ARMC8: variants seen among roughly 807,000 people sequenced by gnomAD.
The protein encoded by ARMC8 is armadillo repeat containing 8.
ARMC8 carries 20 observed loss-of-function variants against 99.3 expected under a neutral mutation model. The ratio of observed to expected loss-of-function variants is 0.20; its 90% CI spans 0.14 to 0.29. The LOEUF (loss-of-function observed/expected upper bound fraction) is 0.29, where lower values mean the gene tolerates loss of function less well. Among genes scored for constraint, ARMC8 ranks in the 10% least tolerant of loss-of-function variants. ARMC8 has a pLI of 1.00. For missense variants in ARMC8, 569 were observed against 809.5 expected, an observed-to-expected ratio of 0.70 and a Z score of 3.60; for synonymous variants, 263 against 278.3, an observed-to-expected ratio of 0.95 and a Z score of 0.55.
chr3:138,239,744 T>G (rs1269194032), intron 10 of ARMC8, among the ~76,000 whole-genome samples: 2 of 152,222 alleles, frequency 1.3e-5, no homozygotes, highest in African/African-American at 2.4e-5. Flanking sequence ...GAAATAATTA[T>G]TTCATTGTCA....
At chr3:138,227,672 A>G (rs1576678530) in intron 5 of ARMC8, among the ~76,000 whole-genome samples, 1 of 152,144 alleles carries the variant, frequency 6.6e-6, no homozygotes, top group East Asian at 1.9e-4. Context: ...TCCTCCCAAC[A>G]AGGGTGTTCT....
rs754897042 is a variant in ARMC8, at chr3:138,235,028, T to C, written c.529-6T>C. 4.3e-6 allele frequency: 7 copies of C among 1,611,372 alleles called. No homozygotes were observed. The African/African-American group carries it at 8.0e-5, about 18-fold the overall frequency. On this transcript the variant is annotated splice_region_variant and splice_polypyrimidine_tract_variant and intron_variant, in intron 6 of 21. Coordinates refer to ENST00000469044, the MANE Select transcript of ARMC8 (RefSeq NM_001363941.2). ...AAATATATTGTTGTATTCTTTTTTCTTACAGGGGCCAGATCATCAAACAAT... is the reference window on the plus strand; with the variant it reads ...AAATATATTGTTGTATTCTTTTTTCCTACAGGGGCCAGATCATCAAACAAT...
intron 12 of ARMC8, chr3:138,246,899 G>A (rs1340752346): frequency 1.2e-6 from 1 of 856,182 alleles, no homozygotes; most frequent in Non-Finnish European, 1.4e-6. Flanking sequence ...AGTTTTTTGT[G>A]TGGTAAAGCA....
rs773357441 is a variant in ARMC8 at position 138,272,921 on chromosome 3, A to T, written c.1480-46A>T. The T allele has an allele frequency of 4.2e-5, 57 of 1,360,898 alleles. No homozygotes were observed. The African/African-American group carries it at 8.0e-4, about 19-fold the overall frequency. The allele number at this position is 1,360,898 out of a possible 1,614,324, so 84.3% of individuals were successfully genotyped here. Reference sequence around the variant, plus strand: ...AGTTACTATTAAAATATAATTTAATAAAGTAAATGTAGACATGATTCTTGC... The same window carrying T: ...AGTTACTATTAAAATATAATTTAATTAAGTAAATGTAGACATGATTCTTGC... On this transcript the variant is annotated intron_variant, in intron 16 of 21. Coordinates refer to ENST00000469044, the MANE Select transcript of ARMC8 (RefSeq NM_001363941.2).
intron 7 of ARMC8, among the ~76,000 whole-genome samples, chr3:138,237,033 G>A (rs925318150): frequency 3.3e-5 from 5 of 151,982 alleles, no homozygotes; most frequent in African/African-American, 4.8e-5. Flanking sequence ...ACTGTATTTT[G>A]TATAGTGTTC....
At chr3:138,274,421 T>G (rs1474320729) in intron 17 of ARMC8, 28 bp from the exon 18 acceptor site, 7 of 1,441,792 alleles carry the variant, frequency 4.9e-6, no homozygotes, top group Non-Finnish European at 6.8e-6. Flanking sequence ...GTTTCTTTGA[T>G]AATTATGGAT....
chr3:138,284,337 G>A (rs956475767), intron 18 of ARMC8, 94 bp from the exon 19 acceptor site: 3 of 861,444 alleles, frequency 3.5e-6, no homozygotes, highest in Admixed American at 1.9e-5. Flanking sequence ...GAGAATCCAT[G>A]TACCTTCAAG....
intron 16 of ARMC8, 53 bp downstream of exon 16, chr3:138,270,185 T>G: frequency 7.6e-7 from 1 of 1,316,332 alleles, no homozygotes; most frequent in Non-Finnish European, 1.1e-6. Flanking sequence ...ACAGCTATTG[T>G]CTAAGTTAGA....
chr3:138,190,044 C>G (rs1207091210), intron 1 of ARMC8, among the ~76,000 whole-genome samples: 4 of 151,918 alleles, frequency 2.6e-5, no homozygotes, highest in African/African-American at 7.2e-5. Flanking sequence ...TTTCTCTTCC[C>G]ATGACCACCC....
chr3:138,269,120 C>T (rs115989936), intron 15 of ARMC8, among the ~76,000 whole-genome samples: 1,726 of 152,152 alleles, frequency 0.011, 32 homozygotes, highest in African/African-American at 0.038. Context: ...TAAAAACTGG[C>T]GGATCTGGGA....
At chr3:138,270,619 A>C (rs894355349) in intron 16 of ARMC8, among the ~76,000 whole-genome samples, 15 of 152,200 alleles carry the variant, frequency 9.9e-5, no homozygotes, top group Non-Finnish European at 1.9e-4. Flanking sequence ...GTTTTGAAAG[A>C]TAAATAGATT....
At chr3:138,262,626 G>A in intron 12 of ARMC8, 1 of 1,539,974 alleles carries the variant, frequency 6.5e-7, no homozygotes, top group Non-Finnish European at 8.7e-7. Flanking sequence ...TAGGTGCCTA[G>A]CCCTGACCCT....
intron 13 of ARMC8, 99 bp downstream of exon 13, chr3:138,263,920 C>A: frequency 1.7e-6 from 2 of 1,171,706 alleles, no homozygotes; most frequent in East Asian, 2.3e-5. Context: ...ACAAATGTTC[C>A]TCAAAAATCT....
At chr3:138,225,818 C>G (rs1421446519) in intron 5 of ARMC8, among the ~76,000 whole-genome samples, 1 of 152,074 alleles carries the variant, frequency 6.6e-6, no homozygotes, top group Non-Finnish European at 1.5e-5. Context: ...TGTAAGTAAT[C>G]GAGGAATAGG....
At chr3:138,265,668 G>C (rs1431909624) in intron 14 of ARMC8, among the ~76,000 whole-genome samples, 1 of 152,186 alleles carries the variant, frequency 6.6e-6, no homozygotes, top group Non-Finnish European at 1.5e-5. Context: ...AGCATGAGGA[G>C]AAACATTATG....
At chr3:138,252,947 C>T (rs930780305) in intron 12 of ARMC8, among the ~76,000 whole-genome samples, 4 of 151,944 alleles carry the variant, frequency 2.6e-5, no homozygotes, top group Non-Finnish European at 1.5e-5. Flanking sequence ...TGGATACTTT[C>T]CTACATACTG....
intron 11 of ARMC8, among the ~76,000 whole-genome samples, chr3:138,244,394 C>T (rs2108188554): frequency 6.6e-6 from 1 of 152,276 alleles, no homozygotes; most frequent in Admixed American, 6.5e-5. Context: ...TCTCCCGCCT[C>T]AGCCTCCCAA....
chr3:138,268,205 T>C (rs2048458037), intron 15 of ARMC8, among the ~76,000 whole-genome samples: 1 of 152,108 alleles, frequency 6.6e-6, no homozygotes, highest in African/African-American at 2.4e-5. Context: ...ATCGCGCCAC[T>C]GCACTGCAGC....
At chr3:138,256,995 A>G in intron 12 of ARMC8, among the ~76,000 whole-genome samples, 1 of 152,216 alleles carries the variant, frequency 6.6e-6, no homozygotes, top group Admixed American at 6.5e-5. Context: ...TTGCCTGAAG[A>G]AACTGGACCA....
Sources: gnomAD v4.1 joint callset for allele counts (sites outside exome capture counted in the v4.1 genomes callset) on GRCh38, gnomAD v4.1.1 for gene constraint, MANE v1.5 for transcripts, NCBI Gene and HGNC (gene_info 2026-07-23, HGNC 2026-07-21) for gene names.